The following DAB1 variants were observed in gnomAD, a reference collection of about 807,000 sequenced individuals.
The protein encoded by DAB1 is disabled homolog 1.
In DAB1, 15 loss-of-function variants were observed where a neutral mutation model predicts 64.6. The observed-to-expected ratio is 0.23, with a 90% CI of 0.16 to 0.36. The LOEUF (loss-of-function observed/expected upper bound fraction) is 0.36, where lower values mean the gene tolerates loss of function less well. Ranked by LOEUF, DAB1 falls within the 10% of genes least tolerant of loss-of-function variation. The pLI, the probability that DAB1 is intolerant of heterozygous loss-of-function variation, is 1.00. For missense variants in DAB1, 596 were observed against 706.7 expected (o/e 0.84, Z 1.78); for synonymous variants, 235 against 251.9 (o/e 0.93, Z 0.64).
chr1:57,753,439 G>A (rs2101806492), intron 6 of DAB1, among the ~76,000 whole-genome samples: 1 of 152,292 alleles, frequency 6.6e-6, no homozygotes, highest in South Asian at 2.1e-4. Context: ...CAGGAGGAAA[G>A]GATTCCAATG....
At chr1:57,596,798 G>A (rs1000804190) in intron 7 of DAB1, among the ~76,000 whole-genome samples, 10 of 152,134 alleles carry the variant, frequency 6.6e-5, no homozygotes, top group African/African-American at 2.2e-4. Context: ...CAAACACAGC[G>A]CGTGGATAGA....
At chr1:58,331,472 T>C (rs917914790) in intron 4 of DAB1, among the ~76,000 whole-genome samples, 3 of 152,186 alleles carry the variant, frequency 2.0e-5, no homozygotes, top group African/African-American at 7.2e-5. Context: ...AATTATACTG[T>C]GAGTAACATG....
intron 4 of DAB1, among the ~76,000 whole-genome samples, chr1:58,336,177 T>A (rs1663112334): frequency 6.6e-6 from 1 of 152,180 alleles, no homozygotes; most frequent in African/African-American, 2.4e-5. Context: ...GGATGTAAAA[T>A]CTTTGTACCA....
At chr1:58,534,102 A>T in intron 1 of DAB1, 1 of 867,200 alleles carries the variant, frequency 1.2e-6, no homozygotes. Context: ...AGAACATCAT[A>T]AAAAATAAGG....
chr1:57,132,476 T>C (rs904949302), intron 4 of DAB1, among the ~76,000 whole-genome samples: 2 of 152,084 alleles, frequency 1.3e-5, no homozygotes, highest in African/African-American at 4.8e-5. Context: ...ATGTTACAAG[T>C]TGAGTATCCC....
At chr1:58,220,436 G>A (rs969493200) in intron 4 of DAB1, among the ~76,000 whole-genome samples, 9 of 152,124 alleles carry the variant, frequency 5.9e-5, no homozygotes, top group African/African-American at 1.4e-4. Context: ...TTCTAGCCAC[G>A]AGATGTCACT....
At chr1:57,531,714 T>C (rs1644665607) in intron 7 of DAB1, among the ~76,000 whole-genome samples, 2 of 152,282 alleles carry the variant, frequency 1.3e-5, no homozygotes, top group East Asian at 3.9e-4. Context: ...GAATGACTGA[T>C]AGCCAATGGT....
At chr1:57,343,665 C>T (rs1677840640) in intron 1 of DAB1, among the ~76,000 whole-genome samples, 1 of 152,118 alleles carries the variant, frequency 6.6e-6, no homozygotes, top group African/African-American at 2.4e-5. Context: ...AAGCCCCTCA[C>T]TGCCTGGGGC....
intron 4 of DAB1, among the ~76,000 whole-genome samples, chr1:57,110,201 C>T (rs780495488): frequency 6.6e-6 from 1 of 152,210 alleles, no homozygotes; most frequent in Non-Finnish European, 1.5e-5. Context: ...AGACCAGTCT[C>T]TGCCACCATT....
At chr1:58,030,993 C>G (rs1404126996) in intron 5 of DAB1, among the ~76,000 whole-genome samples, 1 of 152,094 alleles carries the variant, frequency 6.6e-6, no homozygotes, top group Non-Finnish European at 1.5e-5. Context: ...AAGAACTTCT[C>G]CAGGTACGAA....
chr1:57,284,026 T>C (rs544496379), intron 2 of DAB1, among the ~76,000 whole-genome samples: 3 of 152,332 alleles, frequency 2.0e-5, no homozygotes, highest in South Asian at 2.1e-4. Context: ...GTGTTACTTA[T>C]GTTTATTAAA....
At chr1:58,266,305 A>T (rs1435560687) in intron 4 of DAB1, among the ~76,000 whole-genome samples, 1 of 152,104 alleles carries the variant, frequency 6.6e-6, no homozygotes, top group African/African-American at 2.4e-5. Context: ...GTGGGGGAAG[A>T]GGGTAGGGAA....
rs74940041 is a variant in DAB1 at position 57,232,284 on chromosome 1, CTTT to C, written c.67+58677_67+58679del. On this transcript the variant is annotated intron_variant, in intron 2 of 14. Coordinates refer to ENST00000371236, the MANE Select transcript of DAB1 (RefSeq NM_001365792.1). Reference sequence around the variant, plus strand: ...TACCACTTCTCAAAGGCAGTGGCCACTTTTTTTTTTTTTTTTTTTTTGCACGAA... The same window carrying C: ...TACCACTTCTCAAAGGCAGTGGCCACTTTTTTTTTTTTTTTTTTGCACGAA... Among the ~76,000 whole-genome samples, 554 of 81,712 alleles carry C rather than the reference CTTT, an allele frequency of 6.8e-3. 1 individual carries two copies. The highest frequency in any genetic ancestry group is 0.015 in the Middle Eastern group (1 of 66). The allele number at this position is 81,712 out of a possible 152,430, so 53.6% of individuals were successfully genotyped here.
intron 12 of DAB1, among the ~76,000 whole-genome samples, chr1:57,012,752 A>G (rs1346836181): frequency 6.6e-6 from 1 of 152,230 alleles, no homozygotes; most frequent in African/African-American, 2.4e-5. Flanking sequence ...AGGGTAGTAG[A>G]TGTTTAATAA....
intron 2 of DAB1, among the ~76,000 whole-genome samples, chr1:57,227,067 T>A (rs148692516): frequency 1.6e-3 from 239 of 151,660 alleles, no homozygotes; most frequent in African/African-American, 5.4e-3. Flanking sequence ...TCCCAGCTAC[T>A]TGGAGGCAAA....
intron 3 of DAB1, among the ~76,000 whole-genome samples, chr1:58,410,276 T>C (rs1289884061): frequency 6.6e-6 from 1 of 152,184 alleles, no homozygotes; most frequent in Non-Finnish European, 1.5e-5. Context: ...GAGTTTTTAT[T>C]TTTCCATAAA....
At chr1:57,076,344 T>C (rs780561822) in intron 4 of DAB1, among the ~76,000 whole-genome samples, 8 of 152,290 alleles carry the variant, frequency 5.3e-5, no homozygotes, top group African/African-American at 9.6e-5. Flanking sequence ...TTGGGAAAAC[T>C]TAGTCTAGAT....
In DAB1 at chr1:57,488,101, T is replaced by C. The variant is rs895640179; in HGVS notation, n.625+161491A>G. 2.0e-5 allele frequency among the ~76,000 whole-genome samples: 3 copies of C among 152,092 alleles called. No homozygotes were observed. The East Asian group carries it at 5.8e-4, about 29-fold the overall frequency. Reference sequence around the variant, plus strand: ...TTGCTGGATCAATTGGTATGCACATTAAAAAATTTGTATATTTGGGGGCCA... The same window carrying C: ...TTGCTGGATCAATTGGTATGCACATCAAAAAATTTGTATATTTGGGGGCCA... On this transcript the variant is annotated intron_variant and non_coding_transcript_variant, in intron 7 of 20. Coordinates refer to the DAB1 transcript ENST00000485760.
intron 11 of DAB1, among the ~76,000 whole-genome samples, chr1:57,017,291 C>G (rs1458247402): frequency 6.6e-6 from 1 of 152,094 alleles, no homozygotes; most frequent in Non-Finnish European, 1.5e-5. Context: ...CTTTCCATGG[C>G]TGTCAGTAGG....
Sources: gnomAD v4.1 joint callset for allele counts (sites outside exome capture counted in the v4.1 genomes callset) on GRCh38, gnomAD v4.1.1 for gene constraint, MANE v1.5 for transcripts, NCBI Gene and HGNC (gene_info 2026-07-23, HGNC 2026-07-21) for gene names.